Variants in SEC31B observed in about 807,000 individuals in gnomAD.
The protein encoded by SEC31B is protein transport protein Sec31B.
In SEC31B, 113 loss-of-function variants were observed where a neutral mutation model predicts 135.0. The ratio of observed to expected loss-of-function variants is 0.84; its 90% CI spans 0.72 to 0.98. SEC31B has a LOEUF of 0.98. Ranked by LOEUF, SEC31B falls within the 50% of genes least tolerant of loss-of-function variation. The pLI is 0.00. For synonymous variants in SEC31B, 508 were observed against 549.4 expected (o/e 0.92, Z 1.05); for missense variants, 1,296 against 1,421.1 (o/e 0.91, Z 1.42).
intron 19 of SEC31B, chr10:100,495,095 G>T: frequency 2.7e-6 from 1 of 364,258 alleles, no homozygotes; most frequent in South Asian, 2.3e-5. Context: ...CAAAGTGCTG[G>T]GATTACAGGC....
In SEC31B at chr10:100,508,020, C is replaced by CA; in HGVS notation, c.526dup (p.Trp176LeufsTer27). ...CAGAATGTGTTGGGCTTGCCGGTTC[C>CA]AAGACAGTGCCTTGATGTCCTCTGG... On this transcript the variant is annotated frameshift_variant, in exon 6 of 26. Coordinates refer to ENST00000370345, the MANE Select transcript of SEC31B (RefSeq NM_015490.4). LOFTEE classifies it high-confidence loss of function. 1 of 1,614,208 alleles carries CA rather than the reference C, an allele frequency of 6.2e-7. No individual in the cohort carries two copies. The highest frequency in any genetic ancestry group is 1.3e-5 in the African/African-American group (1 of 75,052).
At chr10:100,506,245 A>G (rs896496613) in intron 8 of SEC31B, 44 bp from the exon 9 acceptor site, 1 of 1,614,070 alleles carries the variant, frequency 6.2e-7, no homozygotes, top group Non-Finnish European at 8.5e-7. Flanking sequence ...CATGAAACCC[A>G]AAACACATGG....
chr10:100,499,544 T>C lies in SEC31B; in HGVS notation c.1465A>G (p.Lys489Glu), dbSNP rs1825328338. Residue 489 changes from lysine to glutamate, a missense_variant, in exon 12 of 26, where the codon AAA (lysine) becomes GAA (glutamate). Coordinates refer to ENST00000370345, the MANE Select transcript of SEC31B (RefSeq NM_015490.4). ...CTTACCTTCTTCTGAAGCTCATCTT[T>C]ACTGTATCCTAAAAGCTTTAGGAAT... ...MKFLKLLGYS[K>E]DELQKKVATW... The C allele has an allele frequency of 6.2e-7, 1 of 1,611,548 alleles. No individual in the cohort carries two copies. The highest frequency in any genetic ancestry group is 1.3e-5 in the African/African-American group (1 of 74,796).
At chr10:100,508,958 G>A (rs750168803) in intron 5 of SEC31B, 49 bp downstream of exon 5, 9 of 1,447,096 alleles carry the variant, frequency 6.2e-6, no homozygotes, top group Non-Finnish European at 8.7e-6. Flanking sequence ...CTTTTACTTA[G>A]GAGAATCAGC....
chr10:100,489,476 CA>C, intron 22 of SEC31B, 78 bp from the exon 23 acceptor site: 1 of 1,540,222 alleles, frequency 6.5e-7, no homozygotes, highest in Non-Finnish European at 8.9e-7. Flanking sequence ...GCAGGAATGA[CA>C]GTGAACAAGG....
chr10:100,516,964 T>C lies in SEC31B; in HGVS notation c.-12A>G, dbSNP rs376338179. The C allele has an allele frequency of 5.6e-6, 9 of 1,611,852 alleles. No individual in the cohort carries two copies. In the African/African-American group the frequency reaches 8.0e-5, roughly 14 times the overall value. ...TCCTTCAGCTTCATGGTCTATCCTG[T>C]AGGTGGCAGAAAACTGACATGGCCC... On this transcript the variant is annotated 5_prime_UTR_variant, in exon 2 of 26. Transcript: ENST00000370345.
rs751250559 is a variant in SEC31B at position 100,509,518 on chromosome 10, AGAG to A, written c.204-10_204-8del. ...CCAGACCAGCTTGTGAAACCTATAA[AGAG>A]GAGGAACTGGCATCAGTACAAACTT... On this transcript the variant is annotated splice_polypyrimidine_tract_variant and splice_region_variant and intron_variant, in intron 3 of 25. Coordinates refer to ENST00000370345, the MANE Select transcript of SEC31B (RefSeq NM_015490.4). 3 of 1,603,570 alleles carry A rather than the reference AGAG, an allele frequency of 1.9e-6. No individual in the cohort carries two copies. The highest frequency in any genetic ancestry group is 2.6e-6 in the Non-Finnish European group (3 of 1,173,556).
intron 19 of SEC31B, among the ~76,000 whole-genome samples, chr10:100,494,055 G>C (rs1443136036): frequency 6.6e-6 from 1 of 151,888 alleles, no homozygotes; most frequent in Non-Finnish European, 1.5e-5. Flanking sequence ...ATTAGGGTGG[G>C]GATTGAAGGT....
At chr10:100,494,825 ATTT>A (rs200276653) in intron 19 of SEC31B, 42 of 127,144 alleles carry the variant, frequency 3.3e-4, no homozygotes, top group African/African-American at 8.9e-4. Flanking sequence ...TACTGTAGCT[ATTT>A]TTTTTTTTTT....
rs1339734163 is a variant in SEC31B at position 100,499,424 on chromosome 10, A to G, written c.1485+100T>C. The stretch of plus-strand genomic sequence containing the variant: ...AGGATGTAAAATGCTCACATATGCA[A>G]TAATAAGGCCAGGAAGAGGTATTCT... On this transcript the variant is annotated intron_variant, in intron 12 of 25. Transcript: ENST00000370345. The G allele has an allele frequency of 1.4e-5, 16 of 1,143,028 alleles. 1 individual carries two copies. In the Admixed American group the frequency reaches 2.9e-4, roughly 21 times the overall value. 70.8% of individuals were successfully genotyped at this position (1,143,028 alleles called of 1,614,324 possible).
chr10:100,491,700 T>C (rs780930087), intron 19 of SEC31B, among the ~76,000 whole-genome samples: 1 of 152,246 alleles, frequency 6.6e-6, no homozygotes, highest in Non-Finnish European at 1.5e-5. Context: ...CACCGATTCA[T>C]GATCTAGTAC....
intron 22 of SEC31B, 138 bp downstream of exon 22, chr10:100,489,565 G>T: frequency 7.2e-7 from 1 of 1,390,446 alleles, no homozygotes; most frequent in Non-Finnish European, 1.0e-6. Flanking sequence ...GAAAGAAGAG[G>T]GTTCTGAGGA....
rs988283272 is a variant in SEC31B at position 100,508,361 on chromosome 10, G to A, written c.496-310C>T. 1.3e-5 allele frequency: 7 copies of A among 521,956 alleles called. No individual in the cohort carries two copies. The African/African-American group carries it at 1.3e-4, about 10-fold the overall frequency. The allele number at this position is 521,956 out of a possible 1,614,324, so 32.3% of individuals were successfully genotyped here. A position where few individuals can be genotyped will look rare whatever the true frequency, so the allele number is the denominator to read the frequency against. ...GGACAAAAAAAGAGGGAGAGAAGGA[G>A]GAAGATGAGGGAGGGAGGAAAACAG... On this transcript the variant is annotated intron_variant, in intron 5 of 25. Transcript: ENST00000370345.
In SEC31B at chr10:100,490,235, G is replaced by T. The variant is rs1432276526; in HGVS notation, c.2738C>A (p.Ser913Tyr). The T allele has an allele frequency of 1.2e-6, 2 of 1,613,690 alleles. No individual in the cohort carries two copies. The highest frequency in any genetic ancestry group is 3.3e-5 in the Admixed American group (2 of 59,962). ...GFPGTWPLPG[S>Y]PLPMACPGIM... ...GCCTGGGCATGCCATGGGTAGAGGG[G>T]AACCAGGAAGAGGCCATGTCCCAGG... The change falls in exon 21 of 26, where the codon TCC (serine) becomes TAC (tyrosine). Residue 913 changes from serine to tyrosine, a missense_variant. Physicochemically the swap from Ser to Tyr is moderately radical, Grantham distance 144 (BLOSUM62 -2). Transcript: ENST00000370345.
chr10:100,496,122 G>A, intron 18 of SEC31B, 136 bp downstream of exon 18: 1 of 889,480 alleles, frequency 1.1e-6, no homozygotes, highest in East Asian at 2.6e-5. Context: ...CCAGTAGATT[G>A]TGAGGTGCTT....
rs747785984 is a variant in SEC31B, at chr10:100,495,517, A to G, written c.2340T>C (p.Leu780=). 4.3e-6 allele frequency: 7 copies of G among 1,613,844 alleles called. No homozygotes were observed. The African/African-American group carries it at 9.3e-5, about 22-fold the overall frequency. ...AGACAGCAGAACCTTGAGCATGAAA[A>G]AGCCGATCTCTTAGCTGCTGAACTG... The part of the protein sequence containing the change: ...QPPVQQLRDR[L]FHAQGSAVLG... Residue 780 remains leucine, a synonymous_variant, in exon 19 of 26, where the codon CTT becomes CTC. Coordinates refer to ENST00000370345, the MANE Select transcript of SEC31B (RefSeq NM_015490.4).
At chr10:100,517,418 G>A (rs1219902303) in intron 1 of SEC31B, among the ~76,000 whole-genome samples, 1 of 152,192 alleles carries the variant, frequency 6.6e-6, no homozygotes. Context: ...CTGGAGTGCA[G>A]TGACACGATC....
At chr10:100,515,916 G>GA (rs1486773465) in intron 3 of SEC31B, among the ~76,000 whole-genome samples, 180 bp downstream of exon 3, 10 of 151,688 alleles carry the variant, frequency 6.6e-5, no homozygotes, top group Non-Finnish European at 1.3e-4. Context: ...GACTGGAAAG[G>GA]GGGGGGGTGG....
intron 10 of SEC31B, among the ~76,000 whole-genome samples, chr10:100,504,016 T>C (rs1330426910): frequency 6.6e-6 from 1 of 152,242 alleles, no homozygotes; most frequent in Non-Finnish European, 1.5e-5. Flanking sequence ...ATTTTAACTT[T>C]TGATTTATAT....
Sources: allele counts gnomAD v4.1 joint callset (sites outside exome capture counted in the v4.1 genomes callset), GRCh38; gene constraint gnomAD v4.1.1; transcripts MANE v1.5; gene names NCBI Gene and HGNC (gene_info 2026-07-23, HGNC 2026-07-21).